LRP1B: variants seen among roughly 807,000 people sequenced by gnomAD.
LRP1B encodes low-density lipoprotein receptor-related protein 1B.
In LRP1B, 217 loss-of-function variants were observed where a neutral mutation model predicts 556.6. That is an observed-to-expected ratio of 0.39 (90% CI 0.35 to 0.44). The LOEUF (loss-of-function observed/expected upper bound fraction) is 0.44, where lower values mean the gene tolerates loss of function less well. Ranked by LOEUF, LRP1B falls within the 20% of genes least tolerant of loss-of-function variation. The probability of loss-of-function intolerance (pLI) is 1.00; values close to 1 mark genes in which losing one functional copy is unlikely to be tolerated. For missense variants in LRP1B, 5,053 were observed against 5,620.8 expected (o/e 0.90, Z 3.23); for synonymous variants, 2,047 against 1,865.8 (o/e 1.10, Z -2.50).
intron 43 of LRP1B, among the ~76,000 whole-genome samples, chr2:140,582,662 C>A (rs1442992737): frequency 6.6e-6 from 1 of 152,144 alleles, no homozygotes; most frequent in African/African-American, 2.4e-5. Context: ...CAATAAAGCA[C>A]CGTCTATGAG....
chr2:141,007,286 T>C (rs1697603862), intron 14 of LRP1B, among the ~76,000 whole-genome samples: 1 of 151,792 alleles, frequency 6.6e-6, no homozygotes, highest in Non-Finnish European at 1.5e-5. Flanking sequence ...CAAATAAATA[T>C]TCAACACATT....
chr2:141,415,126 T>A (rs962601282), intron 3 of LRP1B, among the ~76,000 whole-genome samples: 4 of 152,208 alleles, frequency 2.6e-5, no homozygotes, highest in African/African-American at 9.6e-5. Flanking sequence ...GCCATTCTCC[T>A]GGCTCAGCCT....
chr2:141,885,972 T>C (rs1428811250), intron 1 of LRP1B, among the ~76,000 whole-genome samples: 1 of 152,188 alleles, frequency 6.6e-6, no homozygotes, highest in African/African-American at 2.4e-5. Context: ...AGCAATACAC[T>C]TCTGTGGATC....
At chr2:141,769,576 TACA>T (rs1694834110) in intron 2 of LRP1B, among the ~76,000 whole-genome samples, 1 of 152,158 alleles carries the variant, frequency 6.6e-6, no homozygotes, top group Non-Finnish European at 1.5e-5. Flanking sequence ...CCAGGTGGAA[TACA>T]ACAACAGGTG....
chr2:140,920,929 C>A (rs1694719732), intron 21 of LRP1B, among the ~76,000 whole-genome samples: 1 of 151,956 alleles, frequency 6.6e-6, no homozygotes, highest in African/African-American at 2.4e-5. Flanking sequence ...AAATTCAGTT[C>A]TCTAAAGATA....
chr2:141,894,655 AGATCTAGATCTAGATCTAGAT>A lies in LRP1B; in HGVS notation c.83-84275_83-84255del, dbSNP rs1423295823. Among the ~76,000 whole-genome samples, 3 of 2,980 alleles carry A rather than the reference AGATCTAGATCTAGATCTAGAT, an allele frequency of 1.0e-3. No individual in the cohort carries two copies. The East Asian group carries it at 0.17, about 166-fold the overall frequency. 2.0% of individuals were successfully genotyped at this position (2,980 alleles called of 152,430 possible). On this transcript the variant is annotated intron_variant, in intron 1 of 90. Coordinates refer to ENST00000389484, the MANE Select transcript of LRP1B (RefSeq NM_018557.3). ...AATATTTAGATCTAGATCTAGATCT[AGATCTAGATCTAGATCTAGAT>A]CTAGATCTAGATCGAATTTAGGTGG...
At chr2:141,497,093 C>T (rs1683535948) in intron 2 of LRP1B, among the ~76,000 whole-genome samples, 1 of 151,922 alleles carries the variant, frequency 6.6e-6, no homozygotes, top group East Asian at 1.9e-4. Flanking sequence ...GACCAACTTC[C>T]ACTTTATTTG....
chr2:141,281,783 G>A (rs1036508439), intron 3 of LRP1B, among the ~76,000 whole-genome samples: 6 of 152,018 alleles, frequency 3.9e-5, no homozygotes, highest in Non-Finnish European at 5.9e-5. Flanking sequence ...GTATGGTATA[G>A]TAGTTAGAAA....
Position 142,083,798 on chromosome 2 carries a change from C to T in LRP1B, c.82+46850G>A, listed in dbSNP as rs77230979. 2.4e-3 allele frequency among the ~76,000 whole-genome samples: 367 copies of T among 152,198 alleles called. 4 individuals are homozygous for T. The highest frequency in any genetic ancestry group is 4.2e-3 in the Non-Finnish European group (285 of 68,006). On this transcript the variant is annotated intron_variant, in intron 1 of 90. Transcript: ENST00000389484. ...AAAAAATCTTTATCAAATATCATGA[C>T]GGGTCTGTAGTAATCACCTTTCCAA...
chr2:140,933,457 G>A lies in LRP1B; in HGVS notation c.3137-10310C>T, dbSNP rs538221052. ...TTTGCTGAATGCCTGAAATCCTACA[G>A]TTTAATAGTCATTAATCATAACTTG... On this transcript the variant is annotated intron_variant, in intron 20 of 90. Coordinates refer to ENST00000389484, the MANE Select transcript of LRP1B (RefSeq NM_018557.3). 7.9e-5 allele frequency among the ~76,000 whole-genome samples: 12 copies of A among 152,054 alleles called. No homozygotes were observed. The South Asian group carries it at 1.9e-3, about 24-fold the overall frequency.
chr2:141,870,888 C>T (rs951755042), intron 1 of LRP1B, among the ~76,000 whole-genome samples: 2 of 151,952 alleles, frequency 1.3e-5, no homozygotes, highest in Non-Finnish European at 2.9e-5. Flanking sequence ...CTATTTCTCA[C>T]TGTATTAACT....
chr2:140,659,309 A>G (rs1045295428), intron 41 of LRP1B, among the ~76,000 whole-genome samples: 1 of 151,654 alleles, frequency 6.6e-6, no homozygotes, highest in Admixed American at 6.6e-5. Context: ...AGCAATTTAG[A>G]CATATGGAAT....
chr2:140,532,909 C>A (rs890411090), intron 47 of LRP1B, among the ~76,000 whole-genome samples: 3 of 59,038 alleles, frequency 5.1e-5, no homozygotes, highest in Non-Finnish European at 1.3e-4. Context: ...GGTGTTCTTA[C>A]GTGTGCAATC....
intron 9 of LRP1B, among the ~76,000 whole-genome samples, chr2:141,055,660 T>A (rs1699159966): frequency 6.6e-6 from 1 of 151,912 alleles, no homozygotes. Flanking sequence ...AGAAAGGATT[T>A]CCTTTGAAAT....
At chr2:141,274,119 T>C (rs890885524) in intron 3 of LRP1B, among the ~76,000 whole-genome samples, 2 of 152,214 alleles carry the variant, frequency 1.3e-5, no homozygotes, top group Admixed American at 6.5e-5. Flanking sequence ...GATGGACATA[T>C]AAATGATCCA....
At chr2:140,816,276 C>G (rs1159588324) in intron 31 of LRP1B, among the ~76,000 whole-genome samples, 2 of 152,038 alleles carry the variant, frequency 1.3e-5, no homozygotes, top group African/African-American at 2.4e-5. Context: ...TGCCACCACA[C>G]CCAGCTAATT....
At chr2:141,737,107 A>C (rs1265850325) in intron 2 of LRP1B, among the ~76,000 whole-genome samples, 3 of 152,118 alleles carry the variant, frequency 2.0e-5, no homozygotes, top group Non-Finnish European at 4.4e-5. Flanking sequence ...TAATCCCAAC[A>C]CTTTGGGAGG....
chr2:141,264,048 C>T (rs978462312), intron 3 of LRP1B, among the ~76,000 whole-genome samples: 2 of 152,192 alleles, frequency 1.3e-5, no homozygotes, highest in African/African-American at 4.8e-5. Flanking sequence ...AGGATAACTT[C>T]TCTTACCATT....
At chr2:140,502,070 T>C (rs1468067047) in intron 54 of LRP1B, among the ~76,000 whole-genome samples, 196 bp from the exon 55 acceptor site, 1 of 152,060 alleles carries the variant, frequency 6.6e-6, no homozygotes, top group Non-Finnish European at 1.5e-5. Context: ...TACTTTCATG[T>C]TCAATACTTA....
Sources: allele counts gnomAD v4.1 joint callset (sites outside exome capture counted in the v4.1 genomes callset), GRCh38; gene constraint gnomAD v4.1.1; transcripts MANE v1.5; gene names NCBI Gene and HGNC (gene_info 2026-07-23, HGNC 2026-07-21).